Variants in SUCLA2 observed in about 807,000 individuals in gnomAD.
SUCLA2 encodes succinate-CoA ligase ADP-forming subunit beta.
In SUCLA2, 30 loss-of-function variants were observed where a neutral mutation model predicts 54.8. The ratio of observed to expected loss-of-function variants is 0.55; its 90% CI spans 0.41 to 0.74. The LOEUF is 0.74. Ranked by LOEUF, SUCLA2 falls within the 30% of genes least tolerant of loss-of-function variation. The pLI is 0.00. For synonymous variants in SUCLA2, 172 were observed against 188.9 expected (o/e 0.91, Z 0.74); for missense variants, 476 against 562.9 (o/e 0.85, Z 1.56).
chr13:47,985,515 G>C (rs1950095478), intron 4 of SUCLA2, among the ~76,000 whole-genome samples: 1 of 151,548 alleles, frequency 6.6e-6, no homozygotes, highest in South Asian at 2.1e-4. Flanking sequence ...GCATTAGTTT[G>C]CTGAGGATAA....
chr13:47,974,785 T>C (rs1004167957), intron 4 of SUCLA2, among the ~76,000 whole-genome samples: 4 of 152,174 alleles, frequency 2.6e-5, no homozygotes, highest in East Asian at 1.9e-4. Flanking sequence ...CTAGAAATAA[T>C]GTTAACATGA....
intron 4 of SUCLA2, among the ~76,000 whole-genome samples, chr13:47,984,246 T>A (rs1390807539): frequency 6.6e-6 from 1 of 151,830 alleles, no homozygotes; most frequent in Non-Finnish European, 1.5e-5. Context: ...CAGGCTGGAG[T>A]GCAGTGGTGC....
intron 4 of SUCLA2, among the ~76,000 whole-genome samples, chr13:47,975,255 G>A (rs1950002491): frequency 6.6e-6 from 1 of 151,726 alleles, no homozygotes; most frequent in Admixed American, 6.6e-5. Context: ...CCGCCCCCCA[G>A]GTTCAAGGGA....
intron 6 of SUCLA2, 21 bp from the exon 7 acceptor site, chr13:47,954,578 A>G: frequency 6.2e-7 from 1 of 1,611,914 alleles, no homozygotes; most frequent in Non-Finnish European, 8.5e-7. Context: ...AAAAAGAGAA[A>G]AATGACCTTA....
At chr13:47,960,374 C>A in intron 6 of SUCLA2, among the ~76,000 whole-genome samples, 1 of 152,094 alleles carries the variant, frequency 6.6e-6, no homozygotes, top group Admixed American at 6.6e-5. Context: ...TTGCTTACCT[C>A]TGATGATCTA....
chr13:47,944,643 T>C (rs770623204), intron 10 of SUCLA2, among the ~76,000 whole-genome samples: 5 of 152,196 alleles, frequency 3.3e-5, no homozygotes, highest in African/African-American at 4.8e-5. Flanking sequence ...AAAGTCAAAA[T>C]AGGCTTTCTG....
intron 6 of SUCLA2, among the ~76,000 whole-genome samples, chr13:47,960,210 T>C (rs2137702642): frequency 6.6e-6 from 1 of 152,290 alleles, no homozygotes; most frequent in Middle Eastern, 3.4e-3. Flanking sequence ...TGCTTGTGTA[T>C]ACATATATAT....
At chr13:47,988,010 TG>T (rs1950116875) in intron 4 of SUCLA2, 1 of 152,656 alleles carries the variant, frequency 6.6e-6, no homozygotes, top group Non-Finnish European at 1.5e-5. Context: ...AGAGGAGAGC[TG>T]TGCTAATGTA....
chr13:47,951,540 GAAAAGTAA>G (rs1424784000), intron 8 of SUCLA2, among the ~76,000 whole-genome samples: 2 of 152,094 alleles, frequency 1.3e-5, no homozygotes, highest in African/African-American at 4.8e-5. Flanking sequence ...CTTATTCAGG[GAAAAGTAA>G]AAAAGTAAAA....
Position 47,949,542 on chromosome 13 carries a change from C to T in SUCLA2, c.1169G>A (p.Gly390Asp), listed in dbSNP as rs1949760323. ...GIMRCDVIAQ[G>D]IVMAVKDLEI... ...CAAGTCTTTTACTGCCATGACTATA[C>T]CCTGTGCAATAACATCACAGCGCAT... The change falls in exon 9 of 11, where the codon GGT becomes GAT. Residue 390 changes from glycine (G) to aspartate (D), a missense_variant. Transcript: ENST00000646932. 6.2e-7 allele frequency: 1 copy of T among 1,613,532 alleles called. No homozygotes were observed. The highest frequency in any genetic ancestry group is 8.5e-7 in the Non-Finnish European group (1 of 1,179,622).
chr13:47,952,687 A>C (rs560882755), intron 8 of SUCLA2, among the ~76,000 whole-genome samples: 1 of 152,102 alleles, frequency 6.6e-6, no homozygotes, highest in Admixed American at 6.6e-5. Flanking sequence ...GATCTCTTCC[A>C]CAAGAGAATT....
At chr13:47,980,747 T>C (rs868361006) in intron 4 of SUCLA2, among the ~76,000 whole-genome samples, 6 of 151,952 alleles carry the variant, frequency 3.9e-5, no homozygotes, top group Non-Finnish European at 5.9e-5. Context: ...AACAGACATA[T>C]AGACCAATGG....
At chr13:47,944,895 G>A (rs1370329514) in intron 10 of SUCLA2, among the ~76,000 whole-genome samples, 1 of 152,096 alleles carries the variant, frequency 6.6e-6, no homozygotes, top group Non-Finnish European at 1.5e-5. Flanking sequence ...GGCCGAGGTG[G>A]GAGGATCATA....
intron 2 of SUCLA2, among the ~76,000 whole-genome samples, chr13:47,992,190 A>G (rs1333413096): frequency 6.6e-6 from 1 of 152,170 alleles, no homozygotes; most frequent in East Asian, 1.9e-4. Flanking sequence ...ATTCCTATTC[A>G]TTAAACTGGG....
intron 6 of SUCLA2, among the ~76,000 whole-genome samples, chr13:47,957,328 C>T (rs963590698): frequency 1.4e-4 from 22 of 152,150 alleles, no homozygotes; most frequent in Admixed American, 8.5e-4. Context: ...TTCTGTGTGG[C>T]GAGCAGCAGG....
At chr13:47,986,393 CT>C (rs1488677918) in intron 4 of SUCLA2, among the ~76,000 whole-genome samples, 2 of 152,010 alleles carry the variant, frequency 1.3e-5, no homozygotes, top group African/African-American at 2.4e-5. Flanking sequence ...GGGTTGTTTG[CT>C]TTTTTTCTTG....
At chr13:48,001,152 G>C (rs201405347) in intron 1 of SUCLA2, 28 bp downstream of exon 1, 7 of 1,594,434 alleles carry the variant, frequency 4.4e-6, no homozygotes, top group South Asian at 2.3e-5. Context: ...GCCGACCCTC[G>C]AGACGACAGC....
intron 6 of SUCLA2, among the ~76,000 whole-genome samples, chr13:47,959,920 C>G (rs918969342): frequency 2.0e-5 from 3 of 152,078 alleles, no homozygotes; most frequent in Non-Finnish European, 4.4e-5. Context: ...TTGCTTCACA[C>G]TATGTTAGCT....
At chr13:47,945,131 C>A (rs1385423009) in intron 10 of SUCLA2, among the ~76,000 whole-genome samples, 1 of 151,420 alleles carries the variant, frequency 6.6e-6, no homozygotes, top group African/African-American at 2.4e-5. Flanking sequence ...TGCCTGTAAT[C>A]CCAGCTGCTT....
Sources: gnomAD v4.1 joint callset for allele counts (sites outside exome capture counted in the v4.1 genomes callset) on GRCh38, gnomAD v4.1.1 for gene constraint, MANE v1.5 for transcripts, NCBI Gene and HGNC (gene_info 2026-07-23, HGNC 2026-07-21) for gene names.